IQCH: variants seen among roughly 807,000 people sequenced by gnomAD.
The protein encoded by IQCH is IQ motif containing H.
Under a neutral mutation model 117.0 loss-of-function variants are expected in IQCH, and 98 were observed. The ratio of observed to expected loss-of-function variants is 0.84; its 90% CI spans 0.71 to 0.99. The LOEUF (loss-of-function observed/expected upper bound fraction) is 0.99, where lower values mean the gene tolerates loss of function less well. Ranked by LOEUF, IQCH falls within the 50% of genes least tolerant of loss-of-function variation. The probability of loss-of-function intolerance (pLI) is 0.00; values close to 1 mark genes in which losing one functional copy is unlikely to be tolerated. For missense variants in IQCH, 1,102 were observed against 1,243.8 expected (o/e 0.89, Z 1.72); for synonymous variants, 412 against 448.2 (o/e 0.92, Z 1.02).
intron 16 of IQCH, among the ~76,000 whole-genome samples, chr15:67,429,638 C>T (rs2081977971): frequency 6.6e-6 from 1 of 152,236 alleles, no homozygotes; most frequent in Admixed American, 6.5e-5. Flanking sequence ...CATGATCTTA[C>T]TCACATACAC....
intron 4 of IQCH, among the ~76,000 whole-genome samples, chr15:67,291,928 A>G (rs1001323789): frequency 6.6e-6 from 1 of 152,178 alleles, no homozygotes; most frequent in African/African-American, 2.4e-5. Flanking sequence ...TATACTTTCT[A>G]TAGACTGAAT....
chr15:67,282,422 A>G (rs1257592707), intron 4 of IQCH, among the ~76,000 whole-genome samples: 1 of 151,752 alleles, frequency 6.6e-6, no homozygotes, highest in Non-Finnish European at 1.5e-5. Flanking sequence ...GCTAATGTTC[A>G]TGAAGATGCA....
chr15:67,437,686 A>G (rs2082171794), intron 16 of IQCH, among the ~76,000 whole-genome samples: 1 of 152,216 alleles, frequency 6.6e-6, no homozygotes, highest in South Asian at 2.1e-4. Context: ...ATTCAAGGAA[A>G]TAGCTTAAAG....
At chr15:67,489,219 G>A (rs1378233564) in intron 18 of IQCH, among the ~76,000 whole-genome samples, 2 of 151,634 alleles carry the variant, frequency 1.3e-5, no homozygotes, top group Non-Finnish European at 2.9e-5. Context: ...ATTTTTAGTA[G>A]AGATGGGGTT....
At chr15:67,392,898 C>T (rs1284025562) in intron 12 of IQCH, among the ~76,000 whole-genome samples, 1 of 151,564 alleles carries the variant, frequency 6.6e-6, no homozygotes. Flanking sequence ...TAGGGGAAAT[C>T]ATGTAAATCC....
rs2082865779 is a variant in IQCH at position 67,463,883 on chromosome 15, C to T, written c.2506-1244C>T. 6.6e-6 allele frequency among the ~76,000 whole-genome samples: 1 copy of T among 152,182 alleles called. No individual in the cohort carries two copies. Among genetic ancestry groups the T allele is most frequent in the Non-Finnish European group, 1.5e-5 (1 of 68,036 alleles). On this transcript the variant is annotated intron_variant, in intron 16 of 20. Transcript: ENST00000335894. This position sits in a 1 kb window ranked among gnomAD's most constrained non-coding sequence, Gnocchi z 4.0. ...TTTGAGACAGAGTCTCACTCTGCCA[C>T]CCAGGCTGGACTGTAGTGGTCTGAT...
intron 10 of IQCH, among the ~76,000 whole-genome samples, chr15:67,380,080 A>C (rs1970874220): frequency 6.6e-6 from 1 of 152,150 alleles, no homozygotes; most frequent in African/African-American, 2.4e-5. Context: ...TCGAACTCCC[A>C]ACCTCAGTTA....
rs531832055 is a variant in IQCH, at chr15:67,399,735, A to G, written c.1906-379A>G. Reference sequence around the variant, plus strand: ...CTGTAACTCTTTCTAGTCTTGAAACAATTAAAACATCATTTGAGGAATCAA... The same window carrying G: ...CTGTAACTCTTTCTAGTCTTGAAACGATTAAAACATCATTTGAGGAATCAA... On this transcript the variant is annotated intron_variant, in intron 13 of 20. Transcript: ENST00000335894. Among the ~76,000 whole-genome samples, 168 of 152,366 alleles carry G rather than the reference A, an allele frequency of 1.1e-3. 2 individuals carry two copies. In the South Asian group the frequency reaches 0.022, roughly 20 times the overall value.
At chr15:67,277,110 T>G (rs190628082) in intron 3 of IQCH, among the ~76,000 whole-genome samples, 19 of 152,364 alleles carry the variant, frequency 1.2e-4, no homozygotes, top group African/African-American at 4.6e-4. Flanking sequence ...ATCAAAGACA[T>G]TCTTCACTTC....
rs541036949 is a variant in IQCH at position 67,422,220 on chromosome 15, A to T, written c.2505+643A>T. Among the ~76,000 whole-genome samples, 5 of 152,258 alleles carry T rather than the reference A, an allele frequency of 3.3e-5. No homozygotes were observed. In the South Asian group the frequency reaches 1.0e-3, roughly 32 times the overall value. ...ATCATGAAACTATTTTATGCCATCC[A>T]GGGAGTGGAACCGGTCTAGAGCCTG... On this transcript the variant is annotated intron_variant, in intron 16 of 20. Transcript: ENST00000335894. This position sits in a 1 kb window ranked among gnomAD's most constrained non-coding sequence, Gnocchi z 4.7.
At chr15:67,487,889 T>C (rs1360731042) in intron 18 of IQCH, among the ~76,000 whole-genome samples, 1 of 152,170 alleles carries the variant, frequency 6.6e-6, no homozygotes, top group Non-Finnish European at 1.5e-5. Flanking sequence ...ATTTCCACTG[T>C]TGGACAACTC....
In IQCH at chr15:67,432,681, C is replaced by T. The variant is rs1802912680; in HGVS notation, c.2505+11104C>T. On this transcript the variant is annotated intron_variant, in intron 16 of 20. Transcript: ENST00000335894. This position sits in a 1 kb window ranked among gnomAD's most constrained non-coding sequence, Gnocchi z 5.0. ...AGCATTATTTTTAAAAGTCACTGAG[C>T]ATTATCATCATCTCAAAGTGATATA... 6.6e-6 allele frequency among the ~76,000 whole-genome samples: 1 copy of T among 152,146 alleles called. No homozygotes were observed. Among genetic ancestry groups the T allele is most frequent in the African/African-American group, 2.4e-5 (1 of 41,414 alleles).
At position 67,276,674 on chromosome 15, in the gene IQCH, G is replaced by GA. The variant is rs954983641; in HGVS notation, c.270-2712dup. Among the ~76,000 whole-genome samples, 85 of 150,002 alleles carry GA rather than the reference G, an allele frequency of 5.7e-4. 1 individual carries two copies. Among genetic ancestry groups the GA allele is most frequent in the African/African-American group, 2.0e-3 (82 of 40,938 alleles). ...TTGTCTTCTTACTTGCATAGTTTCT[G>GA]AAAAAAAAAGTTCAATATAATTATT... On this transcript the variant is annotated intron_variant, in intron 3 of 20. Coordinates refer to ENST00000335894, the MANE Select transcript of IQCH (RefSeq NM_001031715.3).
rs1315734598 is a variant in IQCH at position 67,395,376 on chromosome 15, C to T, written c.1718C>T (p.Ala573Val). The T allele has an allele frequency of 2.5e-6, 4 of 1,614,088 alleles. No homozygotes were observed. In the South Asian group the frequency reaches 4.4e-5, roughly 18 times the overall value. The change falls in exon 13 of 21, where the codon GCC becomes GTC. Residue 573 changes from alanine to valine, a missense_variant. By Grantham distance (64) the Ala-to-Val change is moderately conservative. Coordinates refer to ENST00000335894, the MANE Select transcript of IQCH (RefSeq NM_001031715.3). The surrounding 1 kb of genome is among the most constrained non-coding windows in gnomAD (Gnocchi z 4.0). ...AAAAATCTCATCCGAGGAACAGAGG[C>T]CTACATCGTCAGCGGGCTCCTCCAC... ...RIKNLIRGTE[A>V]YIVSGLLHRD... is the part of the protein sequence containing the mutation.
Position 67,475,549 on chromosome 15 carries a change from T to C in IQCH, c.2677-147T>C, listed in dbSNP as rs1396996110. 8.0e-6 allele frequency: 5 copies of C among 624,076 alleles called. No individual in the cohort carries two copies. The highest frequency in any genetic ancestry group is 6.2e-5 in the South Asian group (3 of 48,390). The allele number at this position is 624,076 out of a possible 1,614,324, so 38.7% of individuals were successfully genotyped here. ...AGTTGTGACAAATGTACCACAGCAATGTAAGATGTTAACAATAGGAGAACT... is the reference window on the plus strand; with the variant it reads ...AGTTGTGACAAATGTACCACAGCAACGTAAGATGTTAACAATAGGAGAACT... On this transcript the variant is annotated intron_variant, in intron 17 of 20. Transcript: ENST00000335894. This position sits in a 1 kb window ranked among gnomAD's most constrained non-coding sequence, Gnocchi z 5.7.
chr15:67,471,111 C>T (rs962832641), intron 17 of IQCH, among the ~76,000 whole-genome samples: 1 of 152,030 alleles, frequency 6.6e-6, no homozygotes, highest in Non-Finnish European at 1.5e-5. Context: ...CTTCCCCCAT[C>T]GGTAGATTTT....
chr15:67,366,600 G>T lies in IQCH; in HGVS notation c.754-5511G>T, dbSNP rs189999907. On this transcript the variant is annotated intron_variant, in intron 8 of 20. Coordinates refer to ENST00000335894, the MANE Select transcript of IQCH (RefSeq NM_001031715.3). This position sits in a 1 kb window ranked among gnomAD's most constrained non-coding sequence, Gnocchi z 4.4. The stretch of plus-strand genomic sequence containing the variant: ...TGCTGCTGATCTGAGTGGCCTTTAC[G>T]CTCAAGTCTCTTCTTTTATATATCT... Among the ~76,000 whole-genome samples, 127 of 152,246 alleles carry T rather than the reference G, an allele frequency of 8.3e-4. No individual in the cohort carries two copies. Among genetic ancestry groups the T allele is most frequent in the Non-Finnish European group, 3.2e-4 (22 of 68,020 alleles).
intron 4 of IQCH, among the ~76,000 whole-genome samples, chr15:67,293,430 T>C (rs1966819155): frequency 6.6e-6 from 1 of 152,216 alleles, no homozygotes; most frequent in Non-Finnish European, 1.5e-5. Context: ...GTGTAATATT[T>C]GCATATAACC....
At position 67,426,169 on chromosome 15, in the gene IQCH, G is replaced by T. The variant is rs992923187; in HGVS notation, c.2505+4592G>T. Among the ~76,000 whole-genome samples, 24 of 152,108 alleles carry T rather than the reference G, an allele frequency of 1.6e-4. No homozygotes were observed. The highest frequency in any genetic ancestry group is 2.6e-4 in the Non-Finnish European group (18 of 68,030). On this transcript the variant is annotated intron_variant, in intron 16 of 20. Coordinates refer to ENST00000335894, the MANE Select transcript of IQCH (RefSeq NM_001031715.3). This position sits in a 1 kb window ranked among gnomAD's most constrained non-coding sequence, Gnocchi z 5.1. ...TTAGTGCTGCCATTGCTACTGGAGT[G>T]TCACCCCTTCTGAGACCTCTCAGTG... is the stretch of plus-strand genomic sequence containing the variant.
Sources: allele counts gnomAD v4.1 joint callset (sites outside exome capture counted in the v4.1 genomes callset), GRCh38; gene constraint gnomAD v4.1.1; non-coding constraint Gnocchi (gnomAD v3.1); transcripts MANE v1.5; gene names NCBI Gene and HGNC (gene_info 2026-07-23, HGNC 2026-07-21).